The following LDB2 variants were observed in gnomAD, a reference collection of about 807,000 sequenced individuals.
LDB2 encodes the protein LIM domain-binding protein 2.
A neutral mutation model predicts 44.3 loss-of-function variants in LDB2; 12 were observed. That is an observed-to-expected ratio of 0.27 (90% confidence interval 0.17 to 0.44). The LOEUF (loss-of-function observed/expected upper bound fraction) is 0.44, where lower values mean the gene tolerates loss of function less well. Ranked by LOEUF, LDB2 falls within the 20% of genes least tolerant of loss-of-function variation. The pLI, the probability that LDB2 is intolerant of heterozygous loss-of-function variation, is 1.00. For missense variants in LDB2, 344 were observed against 473.5 expected (o/e 0.73, Z 2.54); for synonymous variants, 164 against 174.8 (o/e 0.94, Z 0.49).
chr4:16,800,103 A>C (rs1473472517), intron 1 of LDB2, among the ~76,000 whole-genome samples: 1 of 152,142 alleles, frequency 6.6e-6, no homozygotes, highest in African/African-American at 2.4e-5. Flanking sequence ...GGAAACAAAT[A>C]TAGATTTCCA....
intron 2 of LDB2, among the ~76,000 whole-genome samples, chr4:16,651,569 C>G (rs770285073): frequency 1.5e-5 from 2 of 137,730 alleles, no homozygotes; most frequent in Non-Finnish European, 3.2e-5. Flanking sequence ...TTTCTTGGAC[C>G]CTGGGGTGAT....
chr4:16,765,112 T>A (rs78168486), intron 1 of LDB2, among the ~76,000 whole-genome samples: 2,686 of 152,294 alleles, frequency 0.018, 73 homozygotes, highest in African/African-American at 0.062. Flanking sequence ...AAGTCTGACA[T>A]CTTGTTCCCA....
At chr4:16,659,555 G>A (rs1268146826) in intron 2 of LDB2, among the ~76,000 whole-genome samples, 1 of 147,358 alleles carries the variant, frequency 6.8e-6, no homozygotes, top group East Asian at 1.9e-4. Context: ...TTTTAAGTAG[G>A]CAGGAGGGAG....
At chr4:16,557,792 A>G (rs1402782536) in intron 5 of LDB2, among the ~76,000 whole-genome samples, 1 of 152,160 alleles carries the variant, frequency 6.6e-6, no homozygotes, top group Non-Finnish European at 1.5e-5. Flanking sequence ...CTGACCCCTG[A>G]GCAGCCTAAC....
chr4:16,592,095 G>A (rs931964529), intron 3 of LDB2, among the ~76,000 whole-genome samples: 3 of 152,070 alleles, frequency 2.0e-5, no homozygotes, highest in Non-Finnish European at 2.9e-5. Context: ...GATGGTCTCC[G>A]GAGGATCAAC....
chr4:16,889,241 C>T (rs1722637799), intron 1 of LDB2: 1 of 152,144 alleles, frequency 6.6e-6, no homozygotes, highest in African/African-American at 2.4e-5. Context: ...AAGCACTTAC[C>T]TAAAATGCAA....
intron 2 of LDB2, among the ~76,000 whole-genome samples, chr4:16,753,676 C>A (rs1765914959): frequency 6.6e-6 from 1 of 152,098 alleles, no homozygotes; most frequent in Admixed American, 6.6e-5. Flanking sequence ...TAGCTTTTGG[C>A]TAGTGTGGCC....
chr4:16,671,605 C>A (rs1312370804), intron 2 of LDB2, among the ~76,000 whole-genome samples: 1 of 152,116 alleles, frequency 6.6e-6, no homozygotes, highest in African/African-American at 2.4e-5. Context: ...AATGAATGAG[C>A]CTCTGATGCC....
intron 1 of LDB2, among the ~76,000 whole-genome samples, chr4:16,843,033 G>C (rs1265682570): frequency 6.6e-6 from 1 of 152,062 alleles, no homozygotes; most frequent in African/African-American, 2.4e-5. Context: ...GTCTTACCAC[G>C]CAGCCATTTT....
At chr4:16,504,681 G>T (rs905859822) in intron 7 of LDB2, among the ~76,000 whole-genome samples, 1 of 152,186 alleles carries the variant, frequency 6.6e-6, no homozygotes, top group Non-Finnish European at 1.5e-5. Flanking sequence ...ATGGAGTGTG[G>T]CCACCACAGA....
At chr4:16,708,858 C>A in intron 2 of LDB2, among the ~76,000 whole-genome samples, 1 of 151,980 alleles carries the variant, frequency 6.6e-6, no homozygotes, top group East Asian at 1.9e-4. Context: ...TTGGAGTATG[C>A]AACACATTGG....
chr4:16,833,800 C>T (rs1041027262), intron 1 of LDB2, among the ~76,000 whole-genome samples: 39 of 152,302 alleles, frequency 2.6e-4, no homozygotes, highest in African/African-American at 9.1e-4. Flanking sequence ...TTTAGCTCCC[C>T]AAAGTGCTGG....
intron 1 of LDB2, among the ~76,000 whole-genome samples, chr4:16,849,974 A>G (rs1423624931): frequency 6.6e-6 from 1 of 152,256 alleles, no homozygotes; most frequent in Non-Finnish European, 1.5e-5. Flanking sequence ...ATCCCCAGGA[A>G]GGTGAAGCGC....
chr4:16,668,797 G>T (rs1311344691), intron 2 of LDB2, among the ~76,000 whole-genome samples: 1 of 152,188 alleles, frequency 6.6e-6, no homozygotes, highest in Non-Finnish European at 1.5e-5. Context: ...AGTCATTACA[G>T]CTCTGTCTTC....
At chr4:16,718,065 T>A (rs1757464156) in intron 2 of LDB2, among the ~76,000 whole-genome samples, 1 of 152,098 alleles carries the variant, frequency 6.6e-6, no homozygotes, top group Admixed American at 6.6e-5. Flanking sequence ...TAATAAAAGA[T>A]ATCCATGTAC....
intron 1 of LDB2, among the ~76,000 whole-genome samples, chr4:16,893,640 G>A (rs1371583822): frequency 2.0e-5 from 3 of 152,022 alleles, no homozygotes; most frequent in East Asian, 1.9e-4. Flanking sequence ...ACTAAAAACT[G>A]TAATTCTATA....
At chr4:16,530,644 T>C (rs1729828284) in intron 5 of LDB2, among the ~76,000 whole-genome samples, 1 of 152,226 alleles carries the variant, frequency 6.6e-6, no homozygotes, top group South Asian at 2.1e-4. Flanking sequence ...TCCCTTCTTC[T>C]GGAATCTTTT....
At chr4:16,671,827 G>T (rs1327280441) in intron 2 of LDB2, among the ~76,000 whole-genome samples, 1 of 151,718 alleles carries the variant, frequency 6.6e-6, no homozygotes, top group East Asian at 2.0e-4. Context: ...GACTGGGACT[G>T]TAATGAAATT....
At chr4:16,513,892 C>G (rs1722716686) in intron 5 of LDB2, among the ~76,000 whole-genome samples, 1 of 152,168 alleles carries the variant, frequency 6.6e-6, no homozygotes, top group Non-Finnish European at 1.5e-5. Flanking sequence ...GACATAAAAT[C>G]TAAACATATT....
Sources: allele counts gnomAD v4.1 joint callset (sites outside exome capture counted in the v4.1 genomes callset), GRCh38; gene constraint gnomAD v4.1.1; transcripts MANE v1.5; gene names NCBI Gene and HGNC (gene_info 2026-07-23, HGNC 2026-07-21).